Variants in CBR4 observed in about 807,000 individuals in gnomAD.
The protein encoded by CBR4 is 3-oxoacyl-[acyl-carrier-protein] reductase.
A neutral mutation model predicts 21.0 loss-of-function variants in CBR4; 22 were observed. The observed-to-expected ratio is 1.05, with a 90% confidence interval of 0.75 to 1.50. CBR4 has a LOEUF of 1.50. Ranked by LOEUF, CBR4 falls within the 40% of genes most tolerant of loss-of-function variation. CBR4 has a pLI of 0.00. For synonymous variants in CBR4, 100 were observed against 104.4 expected (o/e 0.96, Z 0.26); for missense variants, 302 against 286.3 (o/e 1.05, Z -0.40).
intron 2 of CBR4, among the ~76,000 whole-genome samples, chr4:168,919,150 G>A (rs950344254): frequency 6.6e-6 from 1 of 152,010 alleles, no homozygotes; most frequent in Non-Finnish European, 1.5e-5. Flanking sequence ...TCCTTAAAAC[G>A]CCTGCCATTA....
At position 169,002,266 on chromosome 4, in the gene CBR4, T is replaced by C; in HGVS notation, c.401-61A>G. On this transcript the variant is annotated intron_variant, in intron 3 of 4. Coordinates refer to ENST00000306193, the MANE Select transcript of CBR4 (RefSeq NM_032783.5). ...TATTAAATTCAATTAATGGGGTTACTTGAAAATTTAGATAATTTATAGTAA... is the reference window on the plus strand; with the variant it reads ...TATTAAATTCAATTAATGGGGTTACCTGAAAATTTAGATAATTTATAGTAA... 6 of 1,328,756 alleles carry C rather than the reference T, an allele frequency of 4.5e-6. No individual in the cohort carries two copies. The South Asian group carries it at 1.3e-4, about 28-fold the overall frequency. 82.3% of individuals were successfully genotyped at this position (1,328,756 alleles called of 1,614,324 possible).
At chr4:168,957,840 G>C (rs1763731246) in intron 2 of CBR4, among the ~76,000 whole-genome samples, 1 of 152,126 alleles carries the variant, frequency 6.6e-6, no homozygotes, top group African/African-American at 2.4e-5. Flanking sequence ...CATGGGGGTA[G>C]TTACCTCCAT....
chr4:168,965,442 A>G (rs1393791696), intron 2 of CBR4, among the ~76,000 whole-genome samples: 1 of 152,198 alleles, frequency 6.6e-6, no homozygotes, highest in African/African-American at 2.4e-5. Context: ...CACATAGCCA[A>G]GACAATCCTA....
intron 2 of CBR4, among the ~76,000 whole-genome samples, chr4:168,933,432 T>C (rs1217904891): frequency 6.6e-6 from 1 of 152,068 alleles, no homozygotes. Flanking sequence ...CATTATATAA[T>C]AATAAAGGTA....
At chr4:168,932,247 A>G (rs1352531776) in intron 2 of CBR4, among the ~76,000 whole-genome samples, 2 of 152,006 alleles carry the variant, frequency 1.3e-5, no homozygotes, top group Non-Finnish European at 2.9e-5. Flanking sequence ...GAACATAAAA[A>G]AAAAAAACCC....
At chr4:168,927,261 T>TTAGATAAAAG in intron 2 of CBR4, 3 of 231,020 alleles carry the variant, frequency 1.3e-5, no homozygotes, top group Non-Finnish European at 2.6e-5. Context: ...GTGTGTTCAT[T>TTAGATAAAAG]TAGATAAAAG....
chr4:168,945,113 C>T (rs920337374), intron 2 of CBR4, among the ~76,000 whole-genome samples: 3 of 152,166 alleles, frequency 2.0e-5, no homozygotes, highest in African/African-American at 7.2e-5. Context: ...GTGTGACCCC[C>T]AGTCTATCAG....
chr4:168,932,866 A>T (rs753930349), intron 2 of CBR4, among the ~76,000 whole-genome samples: 2 of 152,184 alleles, frequency 1.3e-5, no homozygotes, highest in Non-Finnish European at 2.9e-5. Context: ...GAAATGAAAG[A>T]AAATAAAGTC....
intron 3 of CBR4, 107 bp downstream of exon 3, chr4:169,006,648 A>C (rs1730932464): frequency 2.9e-6 from 3 of 1,034,002 alleles, no homozygotes; most frequent in Admixed American, 2.2e-5. Context: ...TCCACAGATA[A>C]TATAAATTTC....
intron 2 of CBR4, among the ~76,000 whole-genome samples, chr4:168,929,055 G>A (rs1293071534): frequency 6.6e-6 from 1 of 152,176 alleles, no homozygotes; most frequent in South Asian, 2.1e-4. Context: ...CCACAGCAAT[G>A]TACTGTAGGT....
intron 2 of CBR4, among the ~76,000 whole-genome samples, chr4:168,964,538 A>G (rs1393003886): frequency 6.6e-6 from 1 of 152,204 alleles, no homozygotes; most frequent in East Asian, 1.9e-4. Context: ...AATACTCTTC[A>G]TATCAAAGAA....
At chr4:169,008,018 C>T (rs188421375) in intron 1 of CBR4, among the ~76,000 whole-genome samples, 3 of 152,228 alleles carry the variant, frequency 2.0e-5, no homozygotes, top group Admixed American at 2.0e-4. Context: ...AGGGCTTTTT[C>T]AAGTTATAAA....
At chr4:168,961,530 T>C (rs1423470407) in intron 2 of CBR4, among the ~76,000 whole-genome samples, 1 of 152,170 alleles carries the variant, frequency 6.6e-6, no homozygotes, top group Non-Finnish European at 1.5e-5. Context: ...AAGTCCACAG[T>C]TTCCAGTTTC....
intron 4 of CBR4, among the ~76,000 whole-genome samples, chr4:168,993,006 A>T (rs1469498612): frequency 6.6e-6 from 1 of 152,212 alleles, no homozygotes; most frequent in African/African-American, 2.4e-5. Context: ...AAGAATGAGA[A>T]GGCCAGAAGG....
chr4:168,952,272 T>A (rs1206390883), intron 2 of CBR4, among the ~76,000 whole-genome samples: 1 of 150,696 alleles, frequency 6.6e-6, no homozygotes, highest in Non-Finnish European at 1.5e-5. Flanking sequence ...AAGTTTTGAT[T>A]TTTTTTTTAT....
intron 2 of CBR4, among the ~76,000 whole-genome samples, chr4:168,902,488 T>C (rs1756734131): frequency 6.6e-6 from 1 of 152,014 alleles, no homozygotes; most frequent in Admixed American, 6.6e-5. Flanking sequence ...AAAATAATAA[T>C]GAACTTAGCC....
intron 2 of CBR4, among the ~76,000 whole-genome samples, chr4:168,903,488 T>C (rs1315850129): frequency 2.0e-5 from 3 of 152,306 alleles, no homozygotes; most frequent in African/African-American, 2.4e-5. Context: ...CAAAATTCAA[T>C]ATATCCCTTC....
chr4:168,950,755 A>T (rs2126701358), intron 2 of CBR4, among the ~76,000 whole-genome samples: 1 of 152,276 alleles, frequency 6.6e-6, no homozygotes, highest in South Asian at 2.1e-4. Flanking sequence ...ATTGTTTTAT[A>T]AAACTGGGAG....
At chr4:168,898,227 GC>G in intron 2 of CBR4, 1 of 478,668 alleles carries the variant, frequency 2.1e-6, no homozygotes, top group South Asian at 2.3e-5. Flanking sequence ...GTTTCCCCTC[GC>G]CTCAGAGAAA....
Sources: gnomAD v4.1 joint callset for allele counts (sites outside exome capture counted in the v4.1 genomes callset) on GRCh38, gnomAD v4.1.1 for gene constraint, MANE v1.5 for transcripts, NCBI Gene and HGNC (gene_info 2026-07-23, HGNC 2026-07-21) for gene names.